The following LRRC61 variants were observed in gnomAD, a reference collection of about 807,000 sequenced individuals.
LRRC61 encodes leucine rich repeat containing 61, also known as leucine-rich repeat-containing protein 61.
A neutral mutation model predicts 15.1 loss-of-function variants in LRRC61; 9 were observed. The ratio of observed to expected loss-of-function variants is 0.60; its 90% CI spans 0.36 to 1.04. The LOEUF is 1.04. Ranked by LOEUF, LRRC61 falls within the 50% of genes least tolerant of loss-of-function variation. The probability of loss-of-function intolerance (pLI) is 0.01; values close to 1 mark genes in which losing one functional copy is unlikely to be tolerated. For synonymous variants in LRRC61, 173 were observed against 158.6 expected (o/e 1.09, Z -0.68); for missense variants, 344 against 335.6 (o/e 1.03, Z -0.20).
chr7:150,338,114 T>G lies in LRRC61; in HGVS notation c.*473T>G. The stretch of plus-strand genomic sequence containing the variant: ...CTCCCCGCAGCACCTTCTCTGCCCG[T>G]TCTTGTCCACACATCTATTAAATGC... On this transcript the variant is annotated 3_prime_UTR_variant, in exon 3 of 3. Coordinates refer to ENST00000359623, the MANE Select transcript of LRRC61 (RefSeq NM_001142928.2). 1 of 606,498 alleles carries G rather than the reference T, an allele frequency of 1.6e-6. No homozygotes were observed. Among genetic ancestry groups the G allele is most frequent in the Non-Finnish European group, 2.6e-6 (1 of 388,942 alleles). The allele number at this position is 606,498 out of a possible 1,614,324, so 37.6% of individuals were successfully genotyped here. A position where few individuals can be genotyped will look rare whatever the true frequency, so the allele number is the denominator to read the frequency against.
At chr7:150,326,634 G>A (rs1357468736) in intron 2 of LRRC61, among the ~76,000 whole-genome samples, 1 of 148,884 alleles carries the variant, frequency 6.7e-6, no homozygotes, top group Non-Finnish European at 1.5e-5. Flanking sequence ...CAACAAGGTA[G>A]ATCATGCCAC....
In LRRC61 at chr7:150,323,441, C is replaced by T. The variant is rs555788583; in HGVS notation, c.-434C>T. 38 of 347,132 alleles carry T rather than the reference C, an allele frequency of 1.1e-4. No homozygotes were observed. Among genetic ancestry groups the T allele is most frequent in the African/African-American group, 6.0e-4 (26 of 43,232 alleles). 21.5% of individuals were successfully genotyped at this position (347,132 alleles called of 1,614,324 possible). A position where few individuals can be genotyped will look rare whatever the true frequency, so the allele number is the denominator to read the frequency against. ...GGCCCAGGGGTCAGGGGCCGCCAGG[C>T]GGCGGGCGGCGGGGCTGCGGCTCTT... On this transcript the variant is annotated 5_prime_UTR_variant, in exon 1 of 3. Transcript: ENST00000359623.
chr7:150,321,255 G>A (rs545481852), upstream of LRRC61, among the ~76,000 whole-genome samples: 11 of 152,058 alleles, frequency 7.2e-5, no homozygotes, highest in South Asian at 1.7e-3. Flanking sequence ...TGATTTTTTT[G>A]CCCCTATTGC....
chr7:150,328,135 G>C (rs1188319963), intron 2 of LRRC61, among the ~76,000 whole-genome samples: 3 of 152,174 alleles, frequency 2.0e-5, no homozygotes, highest in African/African-American at 7.2e-5. Flanking sequence ...GCGTGTGTGG[G>C]TATGTAGGTT....
chr7:150,316,477 C>A, the LRRC61 span, among the ~76,000 whole-genome samples: 220 of 137,036 alleles, frequency 1.6e-3, no homozygotes, highest in Admixed American at 4.4e-3. Context: ...ACTTTAGAAT[C>A]TGGTTATTTT....
At chr7:150,329,827 A>G (rs1455072753) in intron 2 of LRRC61, 1 of 153,174 alleles carries the variant, frequency 6.5e-6, no homozygotes, top group Non-Finnish European at 1.5e-5. Flanking sequence ...CCTCGTTTGC[A>G]TTTGGATAGA....
upstream of LRRC61, among the ~76,000 whole-genome samples, chr7:150,322,006 A>C (rs1797566142): frequency 6.6e-6 from 1 of 152,230 alleles, no homozygotes; most frequent in Non-Finnish European, 1.5e-5. Flanking sequence ...CAGGGAGACA[A>C]AAGTTGTTCA....
At chr7:150,310,277 C>T in the LRRC61 span, among the ~76,000 whole-genome samples, 2 of 152,106 alleles carry the variant, frequency 1.3e-5, no homozygotes, top group Non-Finnish European at 2.9e-5. Context: ...CTCTGGCAAC[C>T]GACCATGCAC....
At position 150,330,319 on chromosome 7, in the gene LRRC61, A is replaced by G; in HGVS notation, c.-145+4309A>G. 1 of 723,202 alleles carries G rather than the reference A, an allele frequency of 1.4e-6. No homozygotes were observed. Among genetic ancestry groups the G allele is most frequent in the Non-Finnish European group, 2.5e-6 (1 of 396,708 alleles). 44.8% of individuals were successfully genotyped at this position (723,202 alleles called of 1,614,324 possible). On this transcript the variant is annotated intron_variant, in intron 2 of 2. Coordinates refer to ENST00000359623, the MANE Select transcript of LRRC61 (RefSeq NM_001142928.2). The surrounding 1 kb of genome is among the most constrained non-coding windows in gnomAD (Gnocchi z 4.6). ...CCCCTTCAAGAGTACAAGGGCAGGC[A>G]CCAGCTGGGGAAGGCTGGTGTTGCC...
the LRRC61 span, among the ~76,000 whole-genome samples, chr7:150,313,394 T>A: frequency 6.6e-6 from 1 of 152,188 alleles, no homozygotes; most frequent in Non-Finnish European, 1.5e-5. Context: ...CAAGTTATTA[T>A]CCAAAGACCT....
Position 150,330,818 on chromosome 7 carries a change from G to C in LRRC61, c.-145+4808G>C. On this transcript the variant is annotated intron_variant, in intron 2 of 2. Coordinates refer to ENST00000359623, the MANE Select transcript of LRRC61 (RefSeq NM_001142928.2). This position sits in a 1 kb window ranked among gnomAD's most constrained non-coding sequence, Gnocchi z 4.6. Reference sequence around the variant, plus strand: ...GCGTGGACCCCACCAGGGTAGCCAAGAGCTCCGGGGTGGAGGGGAGAAGCC... The same window carrying C: ...GCGTGGACCCCACCAGGGTAGCCAACAGCTCCGGGGTGGAGGGGAGAAGCC... 1 of 1,610,346 alleles carries C rather than the reference G, an allele frequency of 6.2e-7. No individual in the cohort carries two copies. Among genetic ancestry groups the C allele is most frequent in the Non-Finnish European group, 8.5e-7 (1 of 1,177,768 alleles).
upstream of LRRC61, among the ~76,000 whole-genome samples, chr7:150,321,656 C>T (rs1202654308): frequency 6.6e-6 from 1 of 152,162 alleles, no homozygotes; most frequent in Admixed American, 6.5e-5. Flanking sequence ...AGGAGAATCG[C>T]TTGAACTCAG....
At position 150,337,662 on chromosome 7, in the gene LRRC61, C is replaced by G. The variant is rs2129618520; in HGVS notation, c.*21C>G. On this transcript the variant is annotated 3_prime_UTR_variant, in exon 3 of 3. Coordinates refer to ENST00000359623, the MANE Select transcript of LRRC61 (RefSeq NM_001142928.2). ...TCTGAACGTGGCCTATGGCCCAGGA[C>G]AGCCTGGCAGGTGGCCTCGCTGCCC... 2 of 1,517,568 alleles carry G rather than the reference C, an allele frequency of 1.3e-6. No homozygotes were observed. Among genetic ancestry groups the G allele is most frequent in the East Asian group, 2.3e-5 (1 of 43,988 alleles). 94.0% of individuals were successfully genotyped at this position (1,517,568 alleles called of 1,614,324 possible).
chr7:150,317,328 C>T, the LRRC61 span, among the ~76,000 whole-genome samples: 2 of 152,194 alleles, frequency 1.3e-5, no homozygotes, highest in African/African-American at 4.8e-5. Context: ...GCTGGGATTA[C>T]AGGTGTAGGC....
chr7:150,336,050 G>C (rs1329604985), intron 2 of LRRC61, among the ~76,000 whole-genome samples: 1 of 152,182 alleles, frequency 6.6e-6, no homozygotes, highest in Non-Finnish European at 1.5e-5. Context: ...TGAAGTGAGA[G>C]CAAGGGTGTG....
Position 150,333,765 on chromosome 7 carries a change from G to A in LRRC61, c.-144-2953G>A, listed in dbSNP as rs942187460. 1.3e-5 allele frequency among the ~76,000 whole-genome samples: 2 copies of A among 152,170 alleles called. No individual in the cohort carries two copies. The highest frequency in any genetic ancestry group is 4.8e-5 in the African/African-American group (2 of 41,428). On this transcript the variant is annotated intron_variant, in intron 2 of 2. Coordinates refer to ENST00000359623, the MANE Select transcript of LRRC61 (RefSeq NM_001142928.2). The surrounding 1 kb of genome is among the most constrained non-coding windows in gnomAD (Gnocchi z 4.3). The stretch of plus-strand genomic sequence containing the variant: ...TGGAGGAGTGCTGAAGCAGGTGGAC[G>A]TGCGGGAAGCCATCCTCCTTGTGTC...
rs1048847296 is a variant in LRRC61, at chr7:150,338,100, AC to A, written c.*461del. 9.2e-6 allele frequency: 5 copies of A among 542,642 alleles called. No homozygotes were observed. The Admixed American group carries it at 1.4e-4, about 15-fold the overall frequency. 33.6% of individuals were successfully genotyped at this position (542,642 alleles called of 1,614,324 possible). A position where few individuals can be genotyped will look rare whatever the true frequency, so the allele number is the denominator to read the frequency against. On this transcript the variant is annotated 3_prime_UTR_variant, in exon 3 of 3. Coordinates refer to ENST00000359623, the MANE Select transcript of LRRC61 (RefSeq NM_001142928.2). Reference sequence around the variant, plus strand: ...CCTGCACTTACCCCCTCCCCGCAGCACCTTCTCTGCCCGTTCTTGTCCACAC... The same window carrying A: ...CCTGCACTTACCCCCTCCCCGCAGCACTTCTCTGCCCGTTCTTGTCCACAC...
chr7:150,316,354 T>C, the LRRC61 span, among the ~76,000 whole-genome samples: 8 of 152,234 alleles, frequency 5.3e-5, no homozygotes, highest in African/African-American at 1.9e-4. Flanking sequence ...GTTTCGACTG[T>C]AGTAGCTTTA....
chr7:150,335,105 GCT>G lies in LRRC61; in HGVS notation c.-144-1610_-144-1609del, dbSNP rs1419857910. On this transcript the variant is annotated intron_variant, in intron 2 of 2. Coordinates refer to ENST00000359623, the MANE Select transcript of LRRC61 (RefSeq NM_001142928.2). This position sits in a 1 kb window ranked among gnomAD's most constrained non-coding sequence, Gnocchi z 4.3. ...CAGCAAGATTCCCCAGTCGTCCTAG[GCT>G]CTTTTTCCTCCTCCCCATTGCTTCC... Among the ~76,000 whole-genome samples the G allele has an allele frequency of 6.6e-6, 1 of 151,980 alleles. No individual in the cohort carries two copies. The highest frequency in any genetic ancestry group is 1.5e-5 in the Non-Finnish European group (1 of 68,006).
Sources: gnomAD v4.1 joint callset for allele counts (sites outside exome capture counted in the v4.1 genomes callset) on GRCh38, gnomAD v4.1.1 for gene constraint, Gnocchi (gnomAD v3.1) non-coding constraint, MANE v1.5 for transcripts, NCBI Gene and HGNC (gene_info 2026-07-23, HGNC 2026-07-21) for gene names.